The following XKR4 variants were observed in gnomAD, a reference collection of about 807,000 sequenced individuals.
XKR4 encodes the protein XK related 4, also known as XK-related protein 4.
In XKR4, 12 loss-of-function variants were observed where a neutral mutation model predicts 53.9. The ratio of observed to expected loss-of-function variants is 0.22; its 90% CI spans 0.14 to 0.36. The LOEUF is 0.36. Ranked by LOEUF, XKR4 falls within the 10% of genes least tolerant of loss-of-function variation. The pLI is 1.00. For synonymous variants in XKR4, 354 were observed against 362.4 expected, an observed-to-expected ratio of 0.98 and a Z score of 0.26; for missense variants, 799 against 859.5, an observed-to-expected ratio of 0.93 and a Z score of 0.88.
intron 2 of XKR4, among the ~76,000 whole-genome samples, chr8:55,406,725 T>C (rs1804690093): frequency 6.6e-6 from 1 of 152,222 alleles, no homozygotes; most frequent in African/African-American, 2.4e-5. Context: ...ACATGCCCAT[T>C]GTTATAAAGG....
intron 2 of XKR4, among the ~76,000 whole-genome samples, chr8:55,368,006 G>A (rs1437904159): frequency 6.6e-6 from 1 of 152,100 alleles, no homozygotes; most frequent in African/African-American, 2.4e-5. Context: ...TGTCACCCAG[G>A]CTGGAGTGCA....
At chr8:55,365,862 G>T (rs1450569263) in intron 2 of XKR4, among the ~76,000 whole-genome samples, 1 of 152,188 alleles carries the variant, frequency 6.6e-6, no homozygotes, top group Non-Finnish European at 1.5e-5. Context: ...GAAGGAAGAG[G>T]GCTCAGACCT....
intron 1 of XKR4, among the ~76,000 whole-genome samples, chr8:55,157,007 A>G (rs1347548812): frequency 1.3e-5 from 2 of 152,250 alleles, no homozygotes; most frequent in Non-Finnish European, 2.9e-5. Context: ...AAATATGTAC[A>G]TAATCACTTT....
chr8:55,320,963 T>TC (rs1039003594), intron 1 of XKR4, among the ~76,000 whole-genome samples: 3 of 151,900 alleles, frequency 2.0e-5, no homozygotes, highest in African/African-American at 7.3e-5. Context: ...ACTCTTTACC[T>TC]CCCCCAAACA....
At chr8:55,372,872 G>A (rs1804087449) in intron 2 of XKR4, among the ~76,000 whole-genome samples, 2 of 152,130 alleles carry the variant, frequency 1.3e-5, no homozygotes, top group East Asian at 1.9e-4. Context: ...TACACAGGAG[G>A]GTATATGTGT....
chr8:55,189,173 A>G (rs536521521), intron 1 of XKR4, among the ~76,000 whole-genome samples: 65 of 152,120 alleles, frequency 4.3e-4, no homozygotes, highest in African/African-American at 1.4e-3. Flanking sequence ...ATTTATTTTC[A>G]TTTATTTCCA....
chr8:55,450,624 G>A, intron 2 of XKR4: 1 of 666,540 alleles, frequency 1.5e-6, no homozygotes, highest in Non-Finnish European at 2.8e-6. Flanking sequence ...AGGTGGAGCT[G>A]GTGTAGGCAG....
At chr8:55,118,053 T>G (rs1816334302) in intron 1 of XKR4, among the ~76,000 whole-genome samples, 1 of 152,200 alleles carries the variant, frequency 6.6e-6, no homozygotes, top group Non-Finnish European at 1.5e-5. Context: ...TCAATTCTTT[T>G]TATATACCTT....
intron 2 of XKR4, among the ~76,000 whole-genome samples, chr8:55,461,785 T>A (rs891704510): frequency 1.3e-5 from 2 of 152,170 alleles, no homozygotes; most frequent in Admixed American, 1.3e-4. Flanking sequence ...TTCAAGGACC[T>A]GATGGAGCTG....
intron 1 of XKR4, among the ~76,000 whole-genome samples, chr8:55,287,412 T>G (rs974834959): frequency 2.0e-5 from 3 of 152,238 alleles, no homozygotes; most frequent in Non-Finnish European, 4.4e-5. Context: ...CTATTAACAC[T>G]ATGACTGACA....
chr8:55,467,226 C>T (rs1452570397), intron 2 of XKR4, among the ~76,000 whole-genome samples: 1 of 152,116 alleles, frequency 6.6e-6, no homozygotes, highest in Non-Finnish European at 1.5e-5. Flanking sequence ...GTCTCCAAGG[C>T]CAACAGGACA....
chr8:55,265,999 A>G (rs1447487385), intron 1 of XKR4, among the ~76,000 whole-genome samples: 3 of 151,378 alleles, frequency 2.0e-5, no homozygotes, highest in Non-Finnish European at 4.4e-5. Context: ...AAATAAATAT[A>G]TAATAAAAAA....
At chr8:55,463,343 A>C (rs1805694471) in intron 2 of XKR4, among the ~76,000 whole-genome samples, 1 of 152,082 alleles carries the variant, frequency 6.6e-6, no homozygotes, top group Non-Finnish European at 1.5e-5. Flanking sequence ...GCTCAACTAC[A>C]TGGAAACTGA....
At chr8:55,110,945 A>G (rs1816223351) in intron 1 of XKR4, among the ~76,000 whole-genome samples, 1 of 152,154 alleles carries the variant, frequency 6.6e-6, no homozygotes, top group African/African-American at 2.4e-5. Flanking sequence ...TGATTGTAGG[A>G]GAAACTAGAG....
intron 2 of XKR4, among the ~76,000 whole-genome samples, chr8:55,393,433 AG>A (rs1438870964): frequency 6.6e-6 from 1 of 150,636 alleles, no homozygotes; most frequent in African/African-American, 2.4e-5. Context: ...GAAGGAAGGA[AG>A]GAAGGAAGGA....
intron 2 of XKR4, among the ~76,000 whole-genome samples, chr8:55,394,769 T>C (rs1455770352): frequency 6.6e-6 from 1 of 152,226 alleles, no homozygotes; most frequent in Non-Finnish European, 1.5e-5. Context: ...TTAGATTTTT[T>C]CTTCAATTAT....
chr8:55,341,498 C>T (rs371069513), intron 1 of XKR4, among the ~76,000 whole-genome samples: 17 of 152,236 alleles, frequency 1.1e-4, no homozygotes, highest in South Asian at 4.2e-4. Context: ...GCCAGGAAGG[C>T]GCCCTGGATT....
At chr8:55,450,176 G>C (rs1350688699) in intron 2 of XKR4, 20 of 665,814 alleles carry the variant, frequency 3.0e-5, no homozygotes, top group Admixed American at 3.9e-5. Flanking sequence ...GGCTGGGCTC[G>C]GGGGCAGCTG....
intron 1 of XKR4, among the ~76,000 whole-genome samples, chr8:55,145,195 A>G (rs1816756284): frequency 6.6e-6 from 1 of 152,046 alleles, no homozygotes; most frequent in Non-Finnish European, 1.5e-5. Flanking sequence ...TCACCCCTTC[A>G]TAGAACACGC....
Sources: gnomAD v4.1 joint callset for allele counts (sites outside exome capture counted in the v4.1 genomes callset) on GRCh38, gnomAD v4.1.1 for gene constraint, MANE v1.5 for transcripts, NCBI Gene and HGNC (gene_info 2026-07-23, HGNC 2026-07-21) for gene names.